Variants in THSD4 observed in about 807,000 individuals in gnomAD.
The protein encoded by THSD4 is thrombospondin type 1 domain containing 4.
Under a neutral mutation model 119.0 loss-of-function variants are expected in THSD4, and 69 were observed. That is an observed-to-expected ratio of 0.58 (90% CI 0.48 to 0.71). The LOEUF is 0.71. THSD4 is among the 30% of genes least tolerant of loss of function. The probability of loss-of-function intolerance (pLI) is 0.00; values close to 1 mark genes in which losing one functional copy is unlikely to be tolerated. For missense variants in THSD4, 1,393 were observed against 1,391.1 expected (o/e 1.00, Z -0.02); for synonymous variants, 524 against 540.4 (o/e 0.97, Z 0.42).
At chr15:71,258,239 C>T (rs544985702) in intron 6 of THSD4, among the ~76,000 whole-genome samples, 9 of 152,206 alleles carry the variant, frequency 5.9e-5, no homozygotes, top group Non-Finnish European at 1.2e-4. Context: ...AGTGCGGTGG[C>T]GTGATCTCAG....
intron 3 of THSD4, among the ~76,000 whole-genome samples, chr15:71,181,757 G>A (rs1439237809): frequency 6.6e-6 from 1 of 152,192 alleles, no homozygotes; most frequent in Admixed American, 6.5e-5. Context: ...GGCCATCCTA[G>A]TGTTAACCTG....
chr15:71,583,149 G>C (rs2049592016), intron 7 of THSD4, among the ~76,000 whole-genome samples: 1 of 152,068 alleles, frequency 6.6e-6, no homozygotes, highest in Non-Finnish European at 1.5e-5. Flanking sequence ...TTTAGTCTTA[G>C]TAGGTGGTAT....
At chr15:71,455,549 A>G (rs1179574815) in intron 7 of THSD4, among the ~76,000 whole-genome samples, 1 of 152,088 alleles carries the variant, frequency 6.6e-6, no homozygotes, top group Non-Finnish European at 1.5e-5. Flanking sequence ...AGGTGGGTCC[A>G]TATGCCATTA....
At chr15:71,466,424 C>T (rs1460459222) in intron 7 of THSD4, among the ~76,000 whole-genome samples, 3 of 151,974 alleles carry the variant, frequency 2.0e-5, no homozygotes, top group African/African-American at 2.4e-5. Flanking sequence ...ATGCTGAAGA[C>T]CACCCACCTG....
chr15:71,627,848 G>A (rs904209065), intron 7 of THSD4, among the ~76,000 whole-genome samples: 5 of 152,168 alleles, frequency 3.3e-5, no homozygotes, highest in Non-Finnish European at 5.9e-5. Flanking sequence ...GGTCAAGGCA[G>A]AAATTTGGTT....
chr15:71,637,385 G>A (rs2050765187), intron 7 of THSD4, among the ~76,000 whole-genome samples: 1 of 152,130 alleles, frequency 6.6e-6, no homozygotes, highest in Admixed American at 6.6e-5. Flanking sequence ...CCAGGGCTAG[G>A]AGACAGCAAA....
chr15:71,328,255 G>A (rs1411733760), intron 6 of THSD4, among the ~76,000 whole-genome samples: 2 of 152,102 alleles, frequency 1.3e-5, no homozygotes, highest in Non-Finnish European at 2.9e-5. Flanking sequence ...TGGCCACTTG[G>A]GGATCTCCAT....
chr15:71,579,412 C>T (rs1240656685), intron 7 of THSD4, among the ~76,000 whole-genome samples: 4 of 152,080 alleles, frequency 2.6e-5, no homozygotes, highest in Admixed American at 2.6e-4. Context: ...TATGGAGTTC[C>T]GATGAGAAAG....
At chr15:71,147,942 C>G (rs926687944) in intron 2 of THSD4, among the ~76,000 whole-genome samples, 1 of 125,490 alleles carries the variant, frequency 8.0e-6, no homozygotes, top group Non-Finnish European at 1.6e-5. Context: ...TGCACTCAGC[C>G]TGGGTGATAG....
At chr15:71,217,516 G>A (rs1001402952) in intron 4 of THSD4, among the ~76,000 whole-genome samples, 2 of 151,780 alleles carry the variant, frequency 1.3e-5, no homozygotes, top group South Asian at 2.1e-4. Flanking sequence ...CCAGCTACTC[G>A]GGAGGCTGAG....
At chr15:71,595,466 TAAG>T (rs1409789106) in intron 7 of THSD4, among the ~76,000 whole-genome samples, 3 of 152,212 alleles carry the variant, frequency 2.0e-5, no homozygotes, top group Non-Finnish European at 4.4e-5. Flanking sequence ...CACCACCATG[TAAG>T]AAGTGCCTTT....
At chr15:71,380,114 G>A (rs1228330069) in intron 6 of THSD4, among the ~76,000 whole-genome samples, 3 of 152,092 alleles carry the variant, frequency 2.0e-5, no homozygotes, top group Admixed American at 2.0e-4. Flanking sequence ...TCCAAAGTTA[G>A]GTTTTCATTT....
Position 71,145,009 on chromosome 15 carries a change from C to CT in THSD4, c.29+3465dup, listed in dbSNP as rs538570303. 3.3e-3 allele frequency among the ~76,000 whole-genome samples: 484 copies of CT among 145,036 alleles called. 1 individual carries two copies. Among genetic ancestry groups the CT allele is most frequent in the East Asian group, 0.027 (135 of 5,030 alleles). On this transcript the variant is annotated intron_variant, in intron 2 of 17. Transcript: ENST00000261862. ...TTAAAGACTTGCTCCAAATTATGCA[C>CT]TTTTTTTTTTTTGGATGCACAATTA...
At chr15:71,228,627 G>A (rs1377134710) in intron 4 of THSD4, among the ~76,000 whole-genome samples, 1 of 152,128 alleles carries the variant, frequency 6.6e-6, no homozygotes, top group Non-Finnish European at 1.5e-5. Flanking sequence ...CAGCAACAAT[G>A]TGATGAGCTC....
At chr15:71,638,394 TAAAAG>T (rs2140958313) in intron 7 of THSD4, among the ~76,000 whole-genome samples, 1 of 152,308 alleles carries the variant, frequency 6.6e-6, no homozygotes, top group South Asian at 2.1e-4. Flanking sequence ...CTGCAGGTCT[TAAAAG>T]AACCTTTCCA....
intron 7 of THSD4, among the ~76,000 whole-genome samples, chr15:71,454,857 G>A (rs941949796): frequency 1.3e-5 from 2 of 152,174 alleles, no homozygotes; most frequent in African/African-American, 4.8e-5. Flanking sequence ...TAAATTGACT[G>A]AATCAATAAA....
rs542136169 is a variant in THSD4, at chr15:71,369,047, A to G, written c.1016-42640A>G. On this transcript the variant is annotated intron_variant, in intron 6 of 17. Transcript: ENST00000261862. ...TAGGTATTTTATTCTTTTTGAAGCA[A>G]TTGTGAATGGGAGTTCACTCATGAT... is the stretch of plus-strand genomic sequence containing the variant. Among the ~76,000 whole-genome samples, 18 of 152,256 alleles carry G rather than the reference A, an allele frequency of 1.2e-4. No individual in the cohort carries two copies. The South Asian group carries it at 2.9e-3, about 25-fold the overall frequency.
At chr15:71,345,763 G>A (rs777844749) in intron 6 of THSD4, among the ~76,000 whole-genome samples, 3 of 150,420 alleles carry the variant, frequency 2.0e-5, no homozygotes, top group African/African-American at 7.3e-5. Flanking sequence ...GAGTGCCTTC[G>A]CCAGAATAAG....
At chr15:71,333,856 T>C (rs1250194929) in intron 6 of THSD4, among the ~76,000 whole-genome samples, 1 of 152,212 alleles carries the variant, frequency 6.6e-6, no homozygotes, top group East Asian at 1.9e-4. Flanking sequence ...GAACTTTCGT[T>C]GACAAGATAA....
Sources: allele counts gnomAD v4.1 joint callset (sites outside exome capture counted in the v4.1 genomes callset), GRCh38; gene constraint gnomAD v4.1.1; transcripts MANE v1.5; gene names NCBI Gene and HGNC (gene_info 2026-07-23, HGNC 2026-07-21).